The following LINGO2 variants were observed in gnomAD, a reference collection of about 807,000 sequenced individuals.
The protein encoded by LINGO2 is leucine rich repeat and Ig domain containing 2.
LINGO2 carries 14 observed loss-of-function variants against 30.6 expected under a neutral mutation model. That is an observed-to-expected ratio of 0.46 (90% CI 0.30 to 0.72). The LOEUF (loss-of-function observed/expected upper bound fraction) is 0.72. Ranked by LOEUF, LINGO2 falls within the 30% of genes least tolerant of loss-of-function variation. The pLI is 0.07. For missense variants in LINGO2, 729 were observed against 751.7 expected (o/e 0.97, Z 0.35); for synonymous variants, 317 against 288.5 (o/e 1.10, Z -1.00).
At chr9:28,308,776 T>C (rs1824480142) in intron 3 of LINGO2, among the ~76,000 whole-genome samples, 1 of 151,882 alleles carries the variant, frequency 6.6e-6, no homozygotes, top group South Asian at 2.1e-4. Context: ...GTGAAGGACA[T>C]GAACAGACTC....
Position 28,048,858 on chromosome 9 carries a change from A to G in LINGO2, c.-86-36453T>C, listed in dbSNP as rs1191523794. 4.6e-5 allele frequency among the ~76,000 whole-genome samples: 7 copies of G among 150,898 alleles called. No homozygotes were observed. The East Asian group carries it at 9.8e-4, about 21-fold the overall frequency. On this transcript the variant is annotated intron_variant, in intron 4 of 5. Transcript: ENST00000379992. ...TATATATGTAACTATATATATATGT[A>G]GTTTGTGTTTGTGTTTATGCCAACA...
intron 4 of LINGO2, among the ~76,000 whole-genome samples, chr9:28,053,283 C>T (rs1824762138): frequency 6.6e-6 from 1 of 152,068 alleles, no homozygotes; most frequent in African/African-American, 2.4e-5. Context: ...AGCAGCAACA[C>T]AGGCTAACTG....
At chr9:28,141,498 AT>A (rs766972295) in intron 4 of LINGO2, among the ~76,000 whole-genome samples, 80 of 152,306 alleles carry the variant, frequency 5.3e-4, no homozygotes, top group Non-Finnish European at 9.4e-4. Context: ...ATACCCAATA[AT>A]TTAAGGGATT....
intron 1 of LINGO2, among the ~76,000 whole-genome samples, chr9:28,630,530 T>A (rs1414234337): frequency 6.6e-6 from 1 of 152,080 alleles, no homozygotes; most frequent in Non-Finnish European, 1.5e-5. Flanking sequence ...ATGATACAAC[T>A]CAAGCTTCTG....
chr9:28,895,116 T>C, the LINGO2 span, among the ~76,000 whole-genome samples: 5 of 152,150 alleles, frequency 3.3e-5, no homozygotes, highest in African/African-American at 1.2e-4. Context: ...TAAAAACTAT[T>C]TCAAACTTCA....
At chr9:27,971,505 C>G (rs1820354771) in intron 5 of LINGO2, among the ~76,000 whole-genome samples, 1 of 152,162 alleles carries the variant, frequency 6.6e-6, no homozygotes. Flanking sequence ...GCTTCAGCCA[C>G]CCAAGTAGCT....
At chr9:28,121,877 G>C (rs1380421529) in intron 4 of LINGO2, among the ~76,000 whole-genome samples, 1 of 152,086 alleles carries the variant, frequency 6.6e-6, no homozygotes, top group African/African-American at 2.4e-5. Flanking sequence ...TTCAAGCTTG[G>C]TGCTATTAAA....
chr9:28,946,116 C>T, the LINGO2 span, among the ~76,000 whole-genome samples: 1 of 152,116 alleles, frequency 6.6e-6, no homozygotes, highest in Non-Finnish European at 1.5e-5. Flanking sequence ...AGATGATTTA[C>T]ATATATGCTT....
chr9:29,065,519 T>C, the LINGO2 span, among the ~76,000 whole-genome samples: 3 of 152,088 alleles, frequency 2.0e-5, no homozygotes, highest in African/African-American at 7.2e-5. Flanking sequence ...ATTTATTGAA[T>C]AGGATATGCT....
Position 28,506,453 on chromosome 9 carries a change from CACAT to C in LINGO2, c.-364-30432_-364-30429del, listed in dbSNP as rs1564250563. 2.4e-4 allele frequency among the ~76,000 whole-genome samples: 22 copies of C among 89,998 alleles called. 1 individual carries two copies. The highest frequency in any genetic ancestry group is 6.1e-4 in the African/African-American group (16 of 26,350). The allele number at this position is 89,998 out of a possible 152,430, so 59.0% of individuals were successfully genotyped here. A position where few individuals can be genotyped will look rare whatever the true frequency, so the allele number is the denominator to read the frequency against. On this transcript the variant is annotated intron_variant, in intron 1 of 5. Coordinates refer to ENST00000379992, the Ensembl canonical transcript of LINGO2. ...ACACACACACACACACACACACACA[CACAT>C]ACACATACACACACACACACACATA... is the stretch of plus-strand genomic sequence containing the variant.
the LINGO2 span, among the ~76,000 whole-genome samples, chr9:28,907,789 A>T: frequency 6.6e-6 from 1 of 151,772 alleles, no homozygotes; most frequent in Non-Finnish European, 1.5e-5. Flanking sequence ...CAGAGAAATG[A>T]GGAAATAGTT....
chr9:28,222,258 T>C (rs1444266015), intron 4 of LINGO2, among the ~76,000 whole-genome samples: 1 of 152,204 alleles, frequency 6.6e-6, no homozygotes, highest in African/African-American at 2.4e-5. Flanking sequence ...GAATATTTCT[T>C]TTTAAATATT....
chr9:28,268,858 T>C (rs1447229193), intron 4 of LINGO2, among the ~76,000 whole-genome samples: 1 of 152,090 alleles, frequency 6.6e-6, no homozygotes, highest in Non-Finnish European at 1.5e-5. Context: ...CAGTTGAGTG[T>C]CATCTAAATG....
At chr9:28,354,980 T>C (rs578087154) in intron 3 of LINGO2, among the ~76,000 whole-genome samples, 5 of 152,286 alleles carry the variant, frequency 3.3e-5, no homozygotes, top group African/African-American at 9.6e-5. Context: ...TGCAGCAGCT[T>C]TTATCATGAT....
chr9:28,678,266 T>C, the LINGO2 span, among the ~76,000 whole-genome samples: 1 of 152,138 alleles, frequency 6.6e-6, no homozygotes, highest in Non-Finnish European at 1.5e-5. Context: ...AGGCTCCATC[T>C]GTGCTGAAAG....
intron 4 of LINGO2, among the ~76,000 whole-genome samples, chr9:28,102,971 G>C (rs1417997119): frequency 6.6e-6 from 1 of 152,062 alleles, no homozygotes; most frequent in Non-Finnish European, 1.5e-5. Flanking sequence ...AGCCAGGCTG[G>C]TATGTTAACT....
chr9:29,184,717 T>C, the LINGO2 span, among the ~76,000 whole-genome samples: 6 of 140,866 alleles, frequency 4.3e-5, no homozygotes, highest in African/African-American at 1.6e-4. Context: ...CCTCCCTCCC[T>C]CCTCCCTCCC....
chr9:28,526,471 G>C (rs1454288209), intron 1 of LINGO2, among the ~76,000 whole-genome samples: 2 of 152,084 alleles, frequency 1.3e-5, no homozygotes, highest in African/African-American at 4.8e-5. Context: ...TCTGAAACTA[G>C]GTTTTCAGTT....
chr9:28,655,578 C>G (rs1828299955), intron 1 of LINGO2, among the ~76,000 whole-genome samples: 1 of 152,020 alleles, frequency 6.6e-6, no homozygotes, highest in African/African-American at 2.4e-5. Flanking sequence ...TCACCCAAAT[C>G]TCATCTTGAA....
Sources: gnomAD v4.1 joint callset for allele counts (sites outside exome capture counted in the v4.1 genomes callset) on GRCh38, gnomAD v4.1.1 for gene constraint, MANE v1.5 for transcripts, NCBI Gene and HGNC (gene_info 2026-07-23, HGNC 2026-07-21) for gene names.